Variants in BRAP observed in about 807,000 individuals in gnomAD.
The protein encoded by BRAP is BRCA1-associated protein.
Under a neutral mutation model 73.4 loss-of-function variants are expected in BRAP, and 42 were observed. That is an observed-to-expected ratio of 0.57 (90% confidence interval 0.45 to 0.74). The LOEUF (loss-of-function observed/expected upper bound fraction) is 0.74, where lower values mean the gene tolerates loss of function less well. BRAP is among the 30% of genes least tolerant of loss of function. BRAP has a pLI of 0.00. For synonymous variants in BRAP, 255 were observed against 267.4 expected (o/e 0.95, Z 0.45); for missense variants, 593 against 751.4 (o/e 0.79, Z 2.46).
At chr12:111,664,979 T>C (rs1041069948) in intron 6 of BRAP, among the ~76,000 whole-genome samples, 2 of 152,232 alleles carry the variant, frequency 1.3e-5, no homozygotes, top group Admixed American at 1.3e-4. Flanking sequence ...ATTTCATTTC[T>C]GGGTTCCCCT....
chr12:111,667,367 T>C (rs1259379560), intron 5 of BRAP, among the ~76,000 whole-genome samples: 2 of 152,162 alleles, frequency 1.3e-5, no homozygotes, highest in African/African-American at 4.8e-5. Flanking sequence ...ATGCTTCTTT[T>C]GTCTGTGACT....
chr12:111,684,277 C>CCT (rs1352798509), intron 1 of BRAP, among the ~76,000 whole-genome samples: 1 of 152,140 alleles, frequency 6.6e-6, no homozygotes, highest in African/African-American at 2.4e-5. Context: ...CATGACTGAC[C>CCT]CATGCAGATG....
At chr12:111,674,970 C>T (rs1306204127) in intron 4 of BRAP, among the ~76,000 whole-genome samples, 6 of 152,172 alleles carry the variant, frequency 3.9e-5, no homozygotes, top group Non-Finnish European at 5.9e-5. Flanking sequence ...GCTCACTAAA[C>T]GACCAGCCTC....
At chr12:111,685,413 T>C (rs906396148) in intron 1 of BRAP, among the ~76,000 whole-genome samples, 4 of 152,052 alleles carry the variant, frequency 2.6e-5, no homozygotes, top group Non-Finnish European at 5.9e-5. Flanking sequence ...ACGAAGCCCA[T>C]AGGGAAGCAA....
chr12:111,650,730 T>C (rs1171238532), intron 10 of BRAP, among the ~76,000 whole-genome samples: 2 of 152,228 alleles, frequency 1.3e-5, no homozygotes, highest in Non-Finnish European at 2.9e-5. Context: ...ACATTGGTAA[T>C]CTAAGAAACT....
chr12:111,668,175 C>T (rs1415217162), intron 5 of BRAP, among the ~76,000 whole-genome samples: 1 of 152,164 alleles, frequency 6.6e-6, no homozygotes, highest in Non-Finnish European at 1.5e-5. Flanking sequence ...CCAATGCACT[C>T]CAGCCTGGGC....
intron 9 of BRAP, among the ~76,000 whole-genome samples, chr12:111,657,034 T>C (rs1308605842): frequency 2.0e-5 from 3 of 152,102 alleles, no homozygotes; most frequent in African/African-American, 7.2e-5. Context: ...CCACCATGCC[T>C]GGCCAATAAA....
At chr12:111,659,112 G>C (rs1254784486) in intron 8 of BRAP, 95 bp downstream of exon 8, 2 of 1,450,566 alleles carry the variant, frequency 1.4e-6, no homozygotes, top group Admixed American at 2.1e-5. Flanking sequence ...GCTGTCAAAA[G>C]ATGACATTTC....
chr12:111,670,398 T>C, intron 5 of BRAP: 1 of 369,228 alleles, frequency 2.7e-6, no homozygotes, highest in South Asian at 2.5e-5. Context: ...ACTTATCAAA[T>C]TTTGATTTCA....
intron 11 of BRAP, among the ~76,000 whole-genome samples, chr12:111,645,595 G>A (rs1886081841): frequency 6.6e-6 from 1 of 152,086 alleles, no homozygotes; most frequent in African/African-American, 2.4e-5. Context: ...GAAAAAAAGG[G>A]CACTTATTCT....
At chr12:111,667,296 C>T (rs533739450) in intron 5 of BRAP, among the ~76,000 whole-genome samples, 7 of 152,264 alleles carry the variant, frequency 4.6e-5, no homozygotes, top group African/African-American at 1.4e-4. Flanking sequence ...ACCAATAAAA[C>T]AGTCTGAAGC....
Position 111,685,759 on chromosome 12 carries a change from G to A in BRAP, c.34C>T (p.Leu12Phe). Residue 12 changes from leucine (L) to phenylalanine (F), a missense_variant, in exon 1 of 12, where the codon CTC becomes TTC. Around this residue, in one of 4 missense-constraint regions of BRAP, gnomAD observed 304 missense variants for 337.7 expected, o/e 0.90. Coordinates refer to ENST00000419234, the MANE Select transcript of BRAP (RefSeq NM_006768.5). Reference sequence around the variant, plus strand: ...GCGGGGACAGGCGAGTGTTCCGCGAGCTCCAATCGGATAACAACCAGTGAC... The same window carrying A: ...GCGGGGACAGGCGAGTGTTCCGCGAACTCCAATCGGATAACAACCAGTGAC... Reference protein sequence around the residue: ...SVSLVVIRLELAEHSPVPAGF... With the variant: ...SVSLVVIRLEFAEHSPVPAGF... The A allele has an allele frequency of 8.1e-6, 13 of 1,610,442 alleles. No individual in the cohort carries two copies. The highest frequency in any genetic ancestry group is 1.1e-5 in the Non-Finnish European group (13 of 1,178,990).
intron 2 of BRAP, among the ~76,000 whole-genome samples, chr12:111,682,211 T>C (rs1224321155): frequency 1.3e-5 from 2 of 152,170 alleles, no homozygotes; most frequent in African/African-American, 4.8e-5. Flanking sequence ...TATCTACACA[T>C]CCACTTCCGC....
rs1044184538 is a variant in BRAP, at chr12:111,657,274, C to T, written c.1221+1462G>A. ...GGCCAGGCTGGTCTCAAACTCCTGA[C>T]CTCAGGTGATCCACCCACCTCAGCC... is the stretch of plus-strand genomic sequence containing the variant. On this transcript the variant is annotated intron_variant, in intron 9 of 11. Transcript: ENST00000419234. Among the ~76,000 whole-genome samples the T allele has an allele frequency of 2.0e-5, 3 of 152,022 alleles. 1 individual carries two copies. Among genetic ancestry groups the T allele is most frequent in the Admixed American group, 1.3e-4 (2 of 15,264 alleles).
rs909970407 is a variant in BRAP at position 111,665,228 on chromosome 12, T to A, written c.896+411A>T. ...GCTATTTCTACTGGCCACCAAGCCATCAACAGCCCAGCAAAGCTAAAATAT... is the reference window on the plus strand; with the variant it reads ...GCTATTTCTACTGGCCACCAAGCCAACAACAGCCCAGCAAAGCTAAAATAT... On this transcript the variant is annotated intron_variant, in intron 6 of 11. Coordinates refer to ENST00000419234, the MANE Select transcript of BRAP (RefSeq NM_006768.5). This position sits in a 1 kb window ranked among gnomAD's most constrained non-coding sequence, Gnocchi z 4.3. Among the ~76,000 whole-genome samples, 8 of 152,176 alleles carry A rather than the reference T, an allele frequency of 5.3e-5. No individual in the cohort carries two copies. The highest frequency in any genetic ancestry group is 1.9e-4 in the African/African-American group (8 of 41,450).
chr12:111,683,789 G>A (rs1462764710), intron 1 of BRAP, among the ~76,000 whole-genome samples: 2 of 152,030 alleles, frequency 1.3e-5, no homozygotes, highest in East Asian at 1.9e-4. Context: ...TGATCCACCC[G>A]CCTTGACCTC....
chr12:111,649,428 C>T (rs1422647924), intron 11 of BRAP, among the ~76,000 whole-genome samples: 1 of 152,232 alleles, frequency 6.6e-6, no homozygotes, highest in African/African-American at 2.4e-5. Context: ...GCTGGGATTA[C>T]AGGCGTAAGC....
Position 111,642,862 on chromosome 12 carries a change from AG to A in BRAP, c.*1336del, listed in dbSNP as rs1885951355. 1 of 152,214 alleles carries A rather than the reference AG, an allele frequency of 6.6e-6. No homozygotes were observed. Among genetic ancestry groups the A allele is most frequent in the African/African-American group, 2.4e-5 (1 of 41,464 alleles). 9.4% of individuals were successfully genotyped at this position (152,214 alleles called of 1,614,324 possible). A position where few individuals can be genotyped will look rare whatever the true frequency, so the allele number is the denominator to read the frequency against. ...AAAAACAGATGGTGATTAGTGATAC[AG>A]TTGATGTGCTAACAAGTAACATGTA... is the stretch of plus-strand genomic sequence containing the variant. On this transcript the variant is annotated 3_prime_UTR_variant, in exon 12 of 12. Transcript: ENST00000419234.
intron 10 of BRAP, among the ~76,000 whole-genome samples, chr12:111,652,563 G>A (rs929297025): frequency 3.3e-5 from 5 of 152,234 alleles, no homozygotes; most frequent in South Asian, 2.1e-4. Flanking sequence ...TGTTAACAAC[G>A]ATTTAAATTA....
Sources: gnomAD v4.1 joint callset for allele counts (sites outside exome capture counted in the v4.1 genomes callset) on GRCh38, gnomAD v4.1.1 for gene constraint, gnomAD v4.1.1 regional missense constraint, Gnocchi (gnomAD v3.1) non-coding constraint, MANE v1.5 for transcripts, NCBI Gene and HGNC (gene_info 2026-07-23, HGNC 2026-07-21) for gene names.